The following F10 variants were observed in gnomAD, a reference collection of about 807,000 sequenced individuals.
F10 encodes Stuart-Prower factor.
In F10, 29 loss-of-function variants were observed where a neutral mutation model predicts 37.1. The observed-to-expected ratio is 0.78, with a 90% CI of 0.58 to 1.07. The LOEUF is 1.07. F10 is among the 50% of genes least tolerant of loss of function. F10 has a pLI of 0.00. For synonymous variants in F10, 262 were observed against 268.6 expected (o/e 0.98, Z 0.24); for missense variants, 539 against 667.9 (o/e 0.81, Z 2.13).
intron 1 of F10, chr13:113,128,884 G>GAGAAA (rs2036396644): frequency 3.9e-5 from 1 of 25,678 alleles, no homozygotes; most frequent in Non-Finnish European, 7.7e-5. Flanking sequence ...CCATCTTAAA[G>GAGAAA]AGAAAAAAAA....
At chr13:113,127,523 C>T (rs905987117) in intron 1 of F10, among the ~76,000 whole-genome samples, 4 of 152,144 alleles carry the variant, frequency 2.6e-5, no homozygotes, top group African/African-American at 9.7e-5. Flanking sequence ...AAAGGAGACA[C>T]AGGCAGAGAG....
chr13:113,129,365 A>C, intron 1 of F10, 87 bp from the exon 2 acceptor site: 1 of 1,505,182 alleles, frequency 6.6e-7, no homozygotes. Flanking sequence ...GGATATGGCA[A>C]GGGACATGGC....
chr13:113,140,383 T>C (rs1402476675), intron 4 of F10: 11 of 393,594 alleles, frequency 2.8e-5, no homozygotes, highest in Middle Eastern at 5.0e-4. Flanking sequence ...GCCGGCCTAA[T>C]TGATCATCTT....
In F10 at chr13:113,143,800, A is replaced by G; in HGVS notation, c.503-51A>G. Reference sequence around the variant, plus strand: ...TCCCTCAGGGTGAGCTGTGCAGGCTATGGGGAGCCTCTCTCTGTGCTGAAG... The same window carrying G: ...TCCCTCAGGGTGAGCTGTGCAGGCTGTGGGGAGCCTCTCTCTGTGCTGAAG... On this transcript the variant is annotated intron_variant, in intron 5 of 7. Coordinates refer to ENST00000375559, the MANE Select transcript of F10 (RefSeq NM_000504.4). The surrounding 1 kb of genome is among the most constrained non-coding windows in gnomAD (Gnocchi z 6.8). 1 of 1,604,936 alleles carries G rather than the reference A, an allele frequency of 6.2e-7. No individual in the cohort carries two copies. The highest frequency in any genetic ancestry group is 8.5e-7 in the Non-Finnish European group (1 of 1,179,780).
At chr13:113,138,055 A>T (rs2036495519) in intron 2 of F10, among the ~76,000 whole-genome samples, 1 of 152,248 alleles carries the variant, frequency 6.6e-6, no homozygotes, top group South Asian at 2.1e-4. Context: ...TCAGCAATGA[A>T]TATTTTTCAG....
intron 1 of F10, 59 bp from the exon 2 acceptor site, chr13:113,129,393 G>A: frequency 6.2e-7 from 1 of 1,608,130 alleles, no homozygotes; most frequent in Non-Finnish European, 8.5e-7. Flanking sequence ...GAGCATAGGT[G>A]AGGGGGAGCC....
At chr13:113,123,398 C>T (rs978489036) in intron 1 of F10, among the ~76,000 whole-genome samples, 7 of 152,168 alleles carry the variant, frequency 4.6e-5, no homozygotes, top group South Asian at 2.1e-4. Context: ...CCACCACTCT[C>T]GGACTGGCTC....
intron 6 of F10, among the ~76,000 whole-genome samples, chr13:113,145,663 T>TG (rs1245542971): frequency 6.6e-6 from 1 of 152,134 alleles, no homozygotes; most frequent in East Asian, 1.9e-4. Flanking sequence ...CAGTTCCACG[T>TG]GGCTGGGGAG....
chr13:113,135,205 T>G (rs2036467455), intron 2 of F10, among the ~76,000 whole-genome samples: 2 of 150,868 alleles, frequency 1.3e-5, no homozygotes, highest in Admixed American at 6.6e-5. Context: ...ATCAAGCCAT[T>G]GCACTCCAGC....
intron 2 of F10, 145 bp downstream of exon 2, chr13:113,129,757 C>G: frequency 9.3e-7 from 1 of 1,080,960 alleles, no homozygotes; most frequent in Non-Finnish European, 1.4e-6. Flanking sequence ...CCCAGCAAAT[C>G]GAGGCCTCGG....
rs545046199 is a variant in F10 at position 113,149,097 on chromosome 13, C to T, written c.1047C>T (p.Ala349=). The change falls in exon 8 of 8, where the codon GCC becomes GCT. Residue 349 remains alanine, a synonymous_variant. Coordinates refer to ENST00000375559, the MANE Select transcript of F10 (RefSeq NM_000504.4). This position sits in a 1 kb window ranked among gnomAD's most constrained non-coding sequence, Gnocchi z 7.5. ...CCTGCCTCCCCGAGCGTGACTGGGC[C>T]GAGTCCACGCTGATGACGCAGAAGA... ...APACLPERDW[A]ESTLMTQKTG... 9.3e-6 allele frequency: 15 copies of T among 1,613,154 alleles called. No individual in the cohort carries two copies. The highest frequency in any genetic ancestry group is 1.7e-5 in the Admixed American group (1 of 60,020).
chr13:113,126,703 C>T (rs975463405), intron 1 of F10, among the ~76,000 whole-genome samples: 2 of 152,154 alleles, frequency 1.3e-5, no homozygotes, highest in African/African-American at 2.4e-5. Context: ...GTCAGAACAC[C>T]GAGGGCAAGG....
intron 1 of F10, 130 bp downstream of exon 1, chr13:113,123,055 G>A: frequency 8.8e-7 from 1 of 1,137,572 alleles, no homozygotes; most frequent in Non-Finnish European, 1.3e-6. Context: ...GCTGGGCTCG[G>A]ATGGCTGGGC....
intron 1 of F10, among the ~76,000 whole-genome samples, chr13:113,123,886 C>T (rs574243736): frequency 2.0e-4 from 30 of 152,202 alleles, no homozygotes; most frequent in Admixed American, 1.8e-3. Flanking sequence ...GAACGGGACT[C>T]CCGTCTTCAT....
chr13:113,135,424 T>C (rs2036469597), intron 2 of F10, among the ~76,000 whole-genome samples: 1 of 152,176 alleles, frequency 6.6e-6, no homozygotes, highest in Non-Finnish European at 1.5e-5. Flanking sequence ...CCAGCAGATA[T>C]GGGGCCTGAT....
At position 113,143,931 on chromosome 13, in the gene F10, C is replaced by G; in HGVS notation, c.583C>G (p.Pro195Ala). The G allele has an allele frequency of 6.2e-7, 1 of 1,613,406 alleles. No homozygotes were observed. The highest frequency in any genetic ancestry group is 8.5e-7 in the Non-Finnish European group (1 of 1,179,984). ...AQATSSSGEA[P>A]DSITWKPYDA... Reference sequence around the variant, plus strand: ...GGCCACCAGCAGCAGCGGGGAGGCCCCTGACAGCATCACATGGAAGCCATA... The same window carrying G: ...GGCCACCAGCAGCAGCGGGGAGGCCGCTGACAGCATCACATGGAAGCCATA... The change falls in exon 6 of 8, where the codon CCT becomes GCT. Residue 195 changes from proline to alanine, a missense_variant. By Grantham distance (27) the Pro-to-Ala change is conservative. Coordinates refer to ENST00000375559, the MANE Select transcript of F10 (RefSeq NM_000504.4). This position sits in a 1 kb window ranked among gnomAD's most constrained non-coding sequence, Gnocchi z 6.8.
chr13:113,129,722 T>A (rs1379369171), intron 2 of F10, 110 bp downstream of exon 2: 1 of 1,443,680 alleles, frequency 6.9e-7, no homozygotes, highest in Non-Finnish European at 9.7e-7. Context: ...AGGGGCAGCG[T>A]GCGCGAAGGC....
chr13:113,144,275 G>A lies in F10; in HGVS notation c.747+180G>A. 1 of 920,330 alleles carries A rather than the reference G, an allele frequency of 1.1e-6. No homozygotes were observed. Among genetic ancestry groups the A allele is most frequent in the Non-Finnish European group, 1.6e-6 (1 of 606,716 alleles). The allele number at this position is 920,330 out of a possible 1,614,324, so 57.0% of individuals were successfully genotyped here. A position where few individuals can be genotyped will look rare whatever the true frequency, so the allele number is the denominator to read the frequency against. The stretch of plus-strand genomic sequence containing the variant: ...CCCCTCCCTCCGGGCAGCCAAGGAG[G>A]CTGTGAGCTCCACAGGGAAGTGGCC... On this transcript the variant is annotated intron_variant, in intron 6 of 7. Coordinates refer to ENST00000375559, the MANE Select transcript of F10 (RefSeq NM_000504.4). The surrounding 1 kb of genome is among the most constrained non-coding windows in gnomAD (Gnocchi z 6.4).
At position 113,122,890 on chromosome 13, in the gene F10, C is replaced by A; in HGVS notation, c.35C>A (p.Ala12Asp). The A allele has an allele frequency of 6.2e-7, 1 of 1,610,860 alleles. No homozygotes were observed. Among genetic ancestry groups the A allele is most frequent in the African/African-American group, 1.3e-5 (1 of 75,064 alleles). The change falls in exon 1 of 8, where the codon GCC becomes GAC. Residue 12 changes from alanine to aspartate, a missense_variant. By Grantham distance (126) the Ala-to-Asp change is moderately radical. Transcript: ENST00000375559. ...CCACTGCACCTCGTCCTGCTCAGTG[C>A]CTCCCTGGCTGGCCTCCTGCTGCTC... ...GRPLHLVLLS[A>D]SLAGLLLLGE...
Sources: allele counts gnomAD v4.1 joint callset (sites outside exome capture counted in the v4.1 genomes callset), GRCh38; gene constraint gnomAD v4.1.1; non-coding constraint Gnocchi (gnomAD v3.1); transcripts MANE v1.5; gene names NCBI Gene and HGNC (gene_info 2026-07-23, HGNC 2026-07-21).